Variants in ASTN2 observed in about 807,000 individuals in gnomAD.
ASTN2 encodes astrotactin 2, also known as astrotactin-2.
A neutral mutation model predicts 139.8 loss-of-function variants in ASTN2; 54 were observed. The observed-to-expected ratio is 0.39, with a 90% CI of 0.31 to 0.48. The LOEUF (loss-of-function observed/expected upper bound fraction) is 0.48, where lower values mean the gene tolerates loss of function less well. ASTN2 is among the 20% of genes least tolerant of loss of function. The pLI, the probability that ASTN2 is intolerant of heterozygous loss-of-function variation, is 0.95. For synonymous variants in ASTN2, 756 were observed against 719.5 expected (o/e 1.05, Z -0.81); for missense variants, 1,565 against 1,725.1 (o/e 0.91, Z 1.64).
intron 7 of ASTN2, 25 bp from the exon 8 acceptor site, chr9:116,976,810 ATTG>A: frequency 6.2e-7 from 1 of 1,604,532 alleles, no homozygotes; most frequent in African/African-American, 1.3e-5. Context: ...AAAAAAGATT[ATTG>A]TTAAGTAGAG....
chr9:116,463,916 T>G (rs1260401709), intron 20 of ASTN2, among the ~76,000 whole-genome samples: 4 of 149,894 alleles, frequency 2.7e-5, no homozygotes, highest in Middle Eastern at 3.4e-3. Context: ...GTGTTTTTTT[T>G]TTTTTTTTTT....
At chr9:117,200,413 G>A (rs941930254) in intron 3 of ASTN2, among the ~76,000 whole-genome samples, 1 of 152,096 alleles carries the variant, frequency 6.6e-6, no homozygotes, top group African/African-American at 2.4e-5. Flanking sequence ...AATAGGAGTG[G>A]TGAGAGAGGG....
chr9:116,669,263 T>C (rs541961058), intron 16 of ASTN2, among the ~76,000 whole-genome samples: 1 of 152,286 alleles, frequency 6.6e-6, no homozygotes, highest in South Asian at 2.1e-4. Context: ...TAATTAAAAG[T>C]GGGTATAAAT....
intron 5 of ASTN2, among the ~76,000 whole-genome samples, chr9:117,081,829 G>T (rs1267760796): frequency 6.6e-6 from 1 of 152,168 alleles, no homozygotes; most frequent in Non-Finnish European, 1.5e-5. Context: ...CTGACAGCTG[G>T]CAGGAAAACA....
In ASTN2 at chr9:117,337,082, T is replaced by C. The variant is rs184713678; in HGVS notation, c.443-45569A>G. Reference sequence around the variant, plus strand: ...AGAATAAATAATGCTAACATCAAATTAATGAAGAGGGGTTTTAAAAATACA... The same window carrying C: ...AGAATAAATAATGCTAACATCAAATCAATGAAGAGGGGTTTTAAAAATACA... On this transcript the variant is annotated intron_variant, in intron 1 of 22. Transcript: ENST00000313400. 5.7e-4 allele frequency among the ~76,000 whole-genome samples: 87 copies of C among 152,202 alleles called. No individual in the cohort carries two copies. The Middle Eastern group carries it at 0.01, about 18-fold the overall frequency.
intron 2 of ASTN2, among the ~76,000 whole-genome samples, chr9:117,216,069 T>C (rs922067715): frequency 1.3e-5 from 2 of 152,206 alleles, no homozygotes; most frequent in Admixed American, 6.5e-5. Flanking sequence ...TATGATCTCA[T>C]TGAAGGCAAG....
At chr9:116,778,105 A>C (rs1830129743) in intron 13 of ASTN2, among the ~76,000 whole-genome samples, 1 of 152,148 alleles carries the variant, frequency 6.6e-6, no homozygotes, top group African/African-American at 2.4e-5. Context: ...TTGGCCTCCC[A>C]AAGTGCTGGG....
chr9:117,326,866 T>A (rs569133975), intron 1 of ASTN2, among the ~76,000 whole-genome samples: 4 of 152,142 alleles, frequency 2.6e-5, no homozygotes, highest in Non-Finnish European at 5.9e-5. Context: ...TGACACTTGA[T>A]ATGGAATTTG....
intron 7 of ASTN2, among the ~76,000 whole-genome samples, chr9:117,002,228 C>G (rs1275403366): frequency 6.6e-6 from 1 of 152,104 alleles, no homozygotes; most frequent in Non-Finnish European, 1.5e-5. Context: ...AACAGTAACT[C>G]AAGTTTTAAT....
intron 1 of ASTN2, among the ~76,000 whole-genome samples, chr9:117,298,365 A>T (rs1834786305): frequency 6.6e-6 from 1 of 152,172 alleles, no homozygotes; most frequent in South Asian, 2.1e-4. Context: ...GCATAAGATC[A>T]CAGGGTCTGG....
chr9:117,075,143 C>A (rs1227817296), intron 5 of ASTN2, among the ~76,000 whole-genome samples: 1 of 152,198 alleles, frequency 6.6e-6, no homozygotes, highest in East Asian at 1.9e-4. Context: ...CTTGGGCGAT[C>A]CCTGCCCTCC....
intron 19 of ASTN2, among the ~76,000 whole-genome samples, chr9:116,542,873 T>C (rs1851931979): frequency 6.6e-6 from 1 of 152,142 alleles, no homozygotes; most frequent in Non-Finnish European, 1.5e-5. Context: ...TGAGCTGAGA[T>C]TGTGCCACTG....
At chr9:116,661,618 G>A (rs1858564344) in intron 16 of ASTN2, among the ~76,000 whole-genome samples, 1 of 152,122 alleles carries the variant, frequency 6.6e-6, no homozygotes, top group African/African-American at 2.4e-5. Context: ...ATAATTGATG[G>A]AGCAGGATCT....
At chr9:117,106,435 G>T (rs1259854826) in intron 4 of ASTN2, among the ~76,000 whole-genome samples, 1 of 151,820 alleles carries the variant, frequency 6.6e-6, no homozygotes, top group Non-Finnish European at 1.5e-5. Flanking sequence ...GGCCTCAAGT[G>T]ATATCCACCC....
chr9:116,732,469 G>A (rs1828811128), intron 14 of ASTN2, among the ~76,000 whole-genome samples: 1 of 152,142 alleles, frequency 6.6e-6, no homozygotes, highest in South Asian at 2.1e-4. Context: ...GAGATTGTGG[G>A]GTCTTCCCTG....
intron 17 of ASTN2, among the ~76,000 whole-genome samples, chr9:116,632,933 A>T (rs1030392212): frequency 6.6e-6 from 1 of 152,200 alleles, no homozygotes; most frequent in African/African-American, 2.4e-5. Context: ...GCATGACCCA[A>T]AGTAGGTACT....
intron 19 of ASTN2, among the ~76,000 whole-genome samples, chr9:116,531,931 G>A (rs1851370178): frequency 6.6e-6 from 1 of 152,184 alleles, no homozygotes; most frequent in South Asian, 2.1e-4. Context: ...GATCCTTGAG[G>A]AATCACCACA....
At chr9:116,636,619 T>C (rs1588123105) in intron 17 of ASTN2, among the ~76,000 whole-genome samples, 1 of 151,510 alleles carries the variant, frequency 6.6e-6, no homozygotes, top group South Asian at 2.1e-4. Context: ...GAGGTGGAGG[T>C]TGCAGTGAGC....
At chr9:116,865,728 T>C (rs1315828185) in intron 10 of ASTN2, among the ~76,000 whole-genome samples, 1 of 152,154 alleles carries the variant, frequency 6.6e-6, no homozygotes, top group Non-Finnish European at 1.5e-5. Context: ...GTGGGTGGGC[T>C]GGCCCTGAAG....
Sources: gnomAD v4.1 joint callset for allele counts (sites outside exome capture counted in the v4.1 genomes callset) on GRCh38, gnomAD v4.1.1 for gene constraint, MANE v1.5 for transcripts, NCBI Gene and HGNC (gene_info 2026-07-23, HGNC 2026-07-21) for gene names.